Variants in TLCD3A observed in about 807,000 individuals in gnomAD.
TLCD3A encodes the protein TLC domain containing 3A, also known as TLC domain-containing protein 3A.
Under a neutral mutation model 29.9 loss-of-function variants are expected in TLCD3A, and 17 were observed. The observed-to-expected ratio is 0.57, with a 90% CI of 0.39 to 0.85. TLCD3A has a LOEUF of 0.85. Ranked by LOEUF, TLCD3A falls within the 40% of genes least tolerant of loss-of-function variation. The pLI is 0.00. For missense variants in TLCD3A, 332 were observed against 350.8 expected, an observed-to-expected ratio of 0.95 and a Z score of 0.43; for synonymous variants, 143 against 147.7, an observed-to-expected ratio of 0.97 and a Z score of 0.23.
intron 3 of TLCD3A, among the ~76,000 whole-genome samples, chr17:740,165 G>A (rs1451524661): frequency 1.3e-5 from 2 of 152,224 alleles, no homozygotes; most frequent in Admixed American, 6.5e-5. Context: ...CTAACATCTA[G>A]CACAGGGCCT....
chr17:738,094 G>GTTTTTTTTTTT (rs200758501), intron 3 of TLCD3A, 47 bp downstream of exon 3: 15 of 428,748 alleles, frequency 3.5e-5, no homozygotes, highest in African/African-American at 1.3e-4. Flanking sequence ...TGAGCTGGGT[G>GTTTTTTTTTTT]TCTTTTTTTT....
intron 3 of TLCD3A, among the ~76,000 whole-genome samples, chr17:739,166 G>A (rs1974209980): frequency 6.7e-6 from 1 of 149,964 alleles, no homozygotes; most frequent in Non-Finnish European, 1.5e-5. Context: ...GCCAGGGGAA[G>A]GCATGCGTTT....
chr17:737,588 T>C (rs976416452), intron 2 of TLCD3A, among the ~76,000 whole-genome samples: 1 of 152,078 alleles, frequency 6.6e-6, no homozygotes, highest in Non-Finnish European at 1.5e-5. Context: ...TACAAATTAG[T>C]AGCTAAGTCA....
At chr17:740,634 G>T (rs780648126) in intron 4 of TLCD3A, 34 bp downstream of exon 4, 3 of 1,582,264 alleles carry the variant, frequency 1.9e-6, no homozygotes, top group Non-Finnish European at 2.6e-6. Context: ...GAGTGTGAGG[G>T]TTCTGATTCA....
In TLCD3A at chr17:742,058, T is replaced by C. The variant is rs1409569866; in HGVS notation, c.*488T>C. The stretch of plus-strand genomic sequence containing the variant: ...GCCTGGGACAATCATTGTGGGTAGG[T>C]AGTTATTGATCGTTTACTAGATAAC... On this transcript the variant is annotated 3_prime_UTR_variant, in exon 5 of 5. Coordinates refer to ENST00000308278, the MANE Select transcript of TLCD3A (RefSeq NM_024792.3). 1.2e-5 allele frequency: 2 copies of C among 173,244 alleles called. No individual in the cohort carries two copies. The highest frequency in any genetic ancestry group is 4.8e-5 in the African/African-American group (2 of 41,636). The allele number at this position is 173,244 out of a possible 1,614,324, so 10.7% of individuals were successfully genotyped here.
At chr17:741,276 C>G (rs2144124122) in intron 4 of TLCD3A, 25 bp from the exon 5 acceptor site, 1 of 1,612,428 alleles carries the variant, frequency 6.2e-7, no homozygotes, top group African/African-American at 1.3e-5. Flanking sequence ...GTGACCTTAC[C>G]TTTTTCCTTC....
chr17:734,084 A>G (rs1401102034), intron 2 of TLCD3A, among the ~76,000 whole-genome samples: 1 of 152,154 alleles, frequency 6.6e-6, no homozygotes, highest in African/African-American at 2.4e-5. Context: ...AAAACTGGCT[A>G]TTGGCGATGA....
At position 740,507 on chromosome 17, in the gene TLCD3A, G is replaced by A; in HGVS notation, c.411G>A (p.Arg137=). The A allele has an allele frequency of 6.2e-7, 1 of 1,613,854 alleles. No homozygotes were observed. The highest frequency in any genetic ancestry group is 1.1e-5 in the South Asian group (1 of 91,076). Residue 137 remains arginine, a splice_region_variant and synonymous_variant, in exon 4 of 5, where the codon AGG becomes AGA. Transcript: ENST00000308278. ...ILFVLVPVAQ[R]LRGDLGDFFV... ...CCTTTTCGTTTCGTCATCCGCAGAG[G>A]CTCCGGGGAGACCTTGGGGACTTCT...
rs201196821 is a variant in TLCD3A, at chr17:742,897, CT to C, written c.*1337del. 5.8e-4 allele frequency: 87 copies of C among 149,348 alleles called. No individual in the cohort carries two copies. Among genetic ancestry groups the C allele is most frequent in the African/African-American group, 1.6e-3 (65 of 40,704 alleles). 9.3% of individuals were successfully genotyped at this position (149,348 alleles called of 1,614,324 possible). Reference sequence around the variant, plus strand: ...AAACAAAATGCTATTTTTTAATTGTCTTTTTTTTTTAACTATCAGTGTATCT... The same window carrying C: ...AAACAAAATGCTATTTTTTAATTGTCTTTTTTTTTAACTATCAGTGTATCT... On this transcript the variant is annotated 3_prime_UTR_variant, in exon 5 of 5. Transcript: ENST00000308278.
In TLCD3A at chr17:733,471, G is replaced by T. The variant is rs75710066; in HGVS notation, c.206+290G>T. Among the ~76,000 whole-genome samples the T allele has an allele frequency of 7.4e-3, 1,123 of 152,322 alleles. 7 individuals are homozygous for T. The highest frequency in any genetic ancestry group is 0.025 in the African/African-American group (1,026 of 41,572). Reference sequence around the variant, plus strand: ...GCATTTACGACTGGGAGTGTGGCTTGATTCTTGCAGTTGGCTTCACTGGGT... The same window carrying T: ...GCATTTACGACTGGGAGTGTGGCTTTATTCTTGCAGTTGGCTTCACTGGGT... On this transcript the variant is annotated intron_variant, in intron 2 of 4. Coordinates refer to ENST00000308278, the MANE Select transcript of TLCD3A (RefSeq NM_024792.3).
chr17:742,909 A>C lies in TLCD3A; in HGVS notation c.*1339A>C, dbSNP rs1428932007. 6.6e-6 allele frequency: 1 copy of C among 152,108 alleles called. No homozygotes were observed. The highest frequency in any genetic ancestry group is 2.1e-4 in the South Asian group (1 of 4,828). 9.4% of individuals were successfully genotyped at this position (152,108 alleles called of 1,614,324 possible). A position where few individuals can be genotyped will look rare whatever the true frequency, so the allele number is the denominator to read the frequency against. ...ATTTTTTAATTGTCTTTTTTTTTTAACTATCAGTGTATCTTTAAAAGTCAC... is the reference window on the plus strand; with the variant it reads ...ATTTTTTAATTGTCTTTTTTTTTTACCTATCAGTGTATCTTTAAAAGTCAC... On this transcript the variant is annotated 3_prime_UTR_variant, in exon 5 of 5. Transcript: ENST00000308278.
chr17:738,235 G>A (rs532767389), intron 3 of TLCD3A, among the ~76,000 whole-genome samples, 188 bp downstream of exon 3: 2 of 151,478 alleles, frequency 1.3e-5, no homozygotes, highest in Non-Finnish European at 2.9e-5. Flanking sequence ...AGCTGGGATT[G>A]CAGGTGCCCA....
rs561183654 is a variant in TLCD3A, at chr17:741,837, C to A, written c.*267C>A. On this transcript the variant is annotated 3_prime_UTR_variant, in exon 5 of 5. Coordinates refer to ENST00000308278, the MANE Select transcript of TLCD3A (RefSeq NM_024792.3). ...CAAGCCCAAGGATCCTTCTTAAGGTCTTATCTCAAGAGCTCTGGGAGGTGG... is the reference window on the plus strand; with the variant it reads ...CAAGCCCAAGGATCCTTCTTAAGGTATTATCTCAAGAGCTCTGGGAGGTGG... The A allele has an allele frequency of 2.7e-4, 131 of 491,524 alleles. No individual in the cohort carries two copies. Among genetic ancestry groups the A allele is most frequent in the Admixed American group, 1.5e-3 (44 of 29,652 alleles). The allele number at this position is 491,524 out of a possible 1,614,324, so 30.4% of individuals were successfully genotyped here. A position where few individuals can be genotyped will look rare whatever the true frequency, so the allele number is the denominator to read the frequency against.
intron 2 of TLCD3A, 54 bp downstream of exon 2, chr17:733,235 G>A (rs1396754817): frequency 2.8e-6 from 4 of 1,434,188 alleles, no homozygotes; most frequent in Non-Finnish European, 3.7e-6. Flanking sequence ...GTAGCTCGCA[G>A]GCTCTGGCTC....
rs1974103327 is a variant in TLCD3A at position 733,182 on chromosome 17, G to A, written c.206+1G>A. The A allele has an allele frequency of 6.4e-7, 1 of 1,552,666 alleles. No homozygotes were observed. The highest frequency in any genetic ancestry group is 8.7e-7 in the Non-Finnish European group (1 of 1,150,426). On this transcript the variant is annotated splice_donor_variant, in intron 2 of 4. Coordinates refer to ENST00000308278, the MANE Select transcript of TLCD3A (RefSeq NM_024792.3). LOFTEE classifies it high-confidence loss of function. The stretch of plus-strand genomic sequence containing the variant: ...CCTGCGACGACGTGATCACCGGCAG[G>A]TAAGAGCCCGGGCCGGGGCCTTGTT...
At chr17:732,896 G>A (rs1974093291) in intron 1 of TLCD3A, 127 bp downstream of exon 1, 33 of 1,372,468 alleles carry the variant, frequency 2.4e-5, no homozygotes, top group Non-Finnish European at 3.1e-5. Flanking sequence ...CCGCGTCCCG[G>A]CGGCCCGAGT....
chr17:736,955 C>T (rs1974163440), intron 2 of TLCD3A, among the ~76,000 whole-genome samples: 1 of 150,584 alleles, frequency 6.6e-6, no homozygotes, highest in Non-Finnish European at 1.5e-5. Context: ...CGCCCAGCCT[C>T]CAGACCTGTT....
chr17:733,323 C>T (rs1349148692), intron 2 of TLCD3A, 142 bp downstream of exon 2: 2 of 748,558 alleles, frequency 2.7e-6, no homozygotes, highest in Non-Finnish European at 4.2e-6. Context: ...TCTCCGGAGT[C>T]TTCGGGCACC....
At chr17:739,282 G>A (rs768906208) in intron 3 of TLCD3A, among the ~76,000 whole-genome samples, 7 of 152,098 alleles carry the variant, frequency 4.6e-5, no homozygotes, top group Middle Eastern at 3.4e-3. Context: ...TCTGCCTCCC[G>A]GGTTCAAGTG....
Sources: allele counts gnomAD v4.1 joint callset (sites outside exome capture counted in the v4.1 genomes callset), GRCh38; gene constraint gnomAD v4.1.1; transcripts MANE v1.5; gene names NCBI Gene and HGNC (gene_info 2026-07-23, HGNC 2026-07-21).